Variants in SPATS1 observed in about 807,000 individuals in gnomAD.
The protein encoded by SPATS1 is spermatogenesis-associated serine-rich protein 1.
Under a neutral mutation model 33.6 loss-of-function variants are expected in SPATS1, and 23 were observed. The ratio of observed to expected loss-of-function variants is 0.68; its 90% CI spans 0.49 to 0.97. SPATS1 has a LOEUF of 0.97. Ranked by LOEUF, SPATS1 falls within the 50% of genes least tolerant of loss-of-function variation. SPATS1 has a pLI of 0.00. For missense variants in SPATS1, 327 were observed against 361.0 expected (o/e 0.91, Z 0.76); for synonymous variants, 131 against 125.6 (o/e 1.04, Z -0.29).
In SPATS1 at chr6:44,362,035, A is replaced by C. The variant is rs774308529; in HGVS notation, c.574+43A>C. 3.1e-6 allele frequency: 5 copies of C among 1,610,792 alleles called. No homozygotes were observed. The Admixed American group carries it at 8.4e-5, about 27-fold the overall frequency. On this transcript the variant is annotated intron_variant, in intron 5 of 8. Transcript: ENST00000674044. The stretch of plus-strand genomic sequence containing the variant: ...GTCTTGACTGTGCAGTCCCCGAAAA[A>C]CTCTCGAGTCGTGATTCTATAGGCC...
Position 44,361,849 on chromosome 6 carries a change from A to G in SPATS1, c.431A>G (p.Glu144Gly), listed in dbSNP as rs1387675177. Reference protein sequence around the residue: ...KLQTKDGHRPEWTFYPRFSSN... With the variant: ...KLQTKDGHRPGWTFYPRFSSN... ...ATTGCAGAAGATGGGCATCGTCCTG[A>G]GTGGACATTTTACCCAAGGTTTAGC... The change falls in exon 5 of 9, where the codon GAG becomes GGG. Residue 144 changes from glutamate (E) to glycine (G), a missense_variant. Physicochemically the swap from Glu to Gly is moderately conservative, Grantham distance 98. Coordinates refer to ENST00000674044, the MANE Select transcript of SPATS1 (RefSeq NM_001372081.1). 1.9e-6 allele frequency: 3 copies of G among 1,614,246 alleles called. No individual in the cohort carries two copies. Among genetic ancestry groups the G allele is most frequent in the Non-Finnish European group, 1.7e-6 (2 of 1,180,052 alleles).
chr6:44,371,263 A>G (rs1293414674), intron 7 of SPATS1, among the ~76,000 whole-genome samples: 2 of 151,560 alleles, frequency 1.3e-5, no homozygotes, highest in East Asian at 3.9e-4. Context: ...TGTGCTATGC[A>G]CTCCAGCCTA....
chr6:44,379,236 C>A lies in SPATS1; in HGVS notation c.*2173C>A, dbSNP rs1356093663. ...GAGATTATCTAGGTGGCACAGGAAA[C>A]TGCTCTCAGAAGGTTCCCTGGTGTT... On this transcript the variant is annotated 3_prime_UTR_variant, in exon 9 of 9. Transcript: ENST00000674044. Among the ~76,000 whole-genome samples the A allele has an allele frequency of 1.3e-5, 2 of 152,082 alleles. No individual in the cohort carries two copies. The highest frequency in any genetic ancestry group is 2.9e-5 in the Non-Finnish European group (2 of 68,036).
In SPATS1 at chr6:44,361,988, A is replaced by G. The variant is rs1253861779; in HGVS notation, c.570A>G (p.Lys190=). Residue 190 remains lysine (K), a synonymous_variant, in exon 5 of 9, where the codon AAA becomes AAG. Coordinates refer to ENST00000674044, the MANE Select transcript of SPATS1 (RefSeq NM_001372081.1). ...RTVDKCFGRK[K]YDIDPRNGIP... ...TGGACAAGTGCTTTGGGAGAAAGAA[A>G]TACGGTGATGTTTCCTTCTGGGTCT... is the stretch of plus-strand genomic sequence containing the variant. The G allele has an allele frequency of 3.1e-6, 5 of 1,614,086 alleles. No individual in the cohort carries two copies. Among genetic ancestry groups the G allele is most frequent in the African/African-American group, 2.7e-5 (2 of 74,934 alleles).
intron 5 of SPATS1, among the ~76,000 whole-genome samples, chr6:44,364,074 T>G (rs1402829825): frequency 6.6e-6 from 1 of 152,178 alleles, no homozygotes; most frequent in Non-Finnish European, 1.5e-5. Flanking sequence ...GATCAACACC[T>G]GGCTAACTTG....
intron 2 of SPATS1, among the ~76,000 whole-genome samples, chr6:44,348,024 T>G (rs186122813): frequency 1.3e-4 from 19 of 151,976 alleles, no homozygotes; most frequent in Admixed American, 7.2e-4. Context: ...GTTTTTTTTT[T>G]GGGATGGAGT....
intron 3 of SPATS1, among the ~76,000 whole-genome samples, chr6:44,356,097 G>A (rs1332855670): frequency 6.6e-6 from 1 of 152,072 alleles, no homozygotes; most frequent in Admixed American, 6.5e-5. Flanking sequence ...AGTCCCACAG[G>A]CCCCCAAACT....
intron 3 of SPATS1, among the ~76,000 whole-genome samples, 157 bp downstream of exon 3, chr6:44,353,030 G>T (rs901945253): frequency 6.6e-6 from 1 of 152,172 alleles, no homozygotes; most frequent in Non-Finnish European, 1.5e-5. Flanking sequence ...GTATCTGTGT[G>T]AATCTGAGCA....
chr6:44,363,353 C>T (rs1393533082), intron 5 of SPATS1, among the ~76,000 whole-genome samples: 1 of 152,154 alleles, frequency 6.6e-6, no homozygotes, highest in Non-Finnish European at 1.5e-5. Context: ...CCATGTTGCC[C>T]AGGCCAGTCT....
At chr6:44,346,287 A>AAAC (rs1787878308) in intron 2 of SPATS1, among the ~76,000 whole-genome samples, 1 of 151,496 alleles carries the variant, frequency 6.6e-6, no homozygotes, top group Non-Finnish European at 1.5e-5. Flanking sequence ...TCTCAAAAAA[A>AAAC]AAAACAAACC....
intron 5 of SPATS1, among the ~76,000 whole-genome samples, chr6:44,364,859 G>A (rs1309503771): frequency 2.0e-5 from 3 of 148,684 alleles, no homozygotes; most frequent in Admixed American, 6.8e-5. Flanking sequence ...GTGCAGTAGC[G>A]TGACCTTGGC....
chr6:44,377,260 T>C lies in SPATS1; in HGVS notation c.*197T>C. 1 of 613,736 alleles carries C rather than the reference T, an allele frequency of 1.6e-6. No homozygotes were observed. The highest frequency in any genetic ancestry group is 2.8e-5 in the East Asian group (1 of 36,074). The allele number at this position is 613,736 out of a possible 1,614,324, so 38.0% of individuals were successfully genotyped here. A position where few individuals can be genotyped will look rare whatever the true frequency, so the allele number is the denominator to read the frequency against. On this transcript the variant is annotated 3_prime_UTR_variant, in exon 9 of 9. Transcript: ENST00000674044. The stretch of plus-strand genomic sequence containing the variant: ...TTGCAAGAATTGTACAACAAACACC[T>C]GCATATCCTTCACATAGATTCTATC...
intron 3 of SPATS1, among the ~76,000 whole-genome samples, chr6:44,359,121 T>C (rs531880120): frequency 6.6e-6 from 1 of 152,124 alleles, no homozygotes; most frequent in Admixed American, 6.5e-5. Context: ...CCACCACACC[T>C]GGCTAATTAA....
At chr6:44,373,075 T>G (rs983324577) in intron 7 of SPATS1, among the ~76,000 whole-genome samples, 10 of 152,226 alleles carry the variant, frequency 6.6e-5, no homozygotes, top group African/African-American at 2.4e-4. Flanking sequence ...TGTCTTAATA[T>G]TCAGCAAAGA....
chr6:44,357,637 C>T (rs1196086239), intron 3 of SPATS1, among the ~76,000 whole-genome samples: 2 of 152,212 alleles, frequency 1.3e-5, no homozygotes, highest in East Asian at 3.9e-4. Flanking sequence ...CCCCCTCAGC[C>T]TCCCAAAGTG....
chr6:44,345,211 T>C (rs1787801527), intron 2 of SPATS1, among the ~76,000 whole-genome samples: 1 of 152,142 alleles, frequency 6.6e-6, no homozygotes, highest in Non-Finnish European at 1.5e-5. Context: ...TTTAAGTGTC[T>C]CCAGCTCAAG....
Position 44,360,590 on chromosome 6 carries a change from C to T in SPATS1, c.412+20C>T. ...AGACGAGTAAGTCACAGACCCTCCTCCACATGCTTCTGTGCCCCAGGTCTT... is the reference window on the plus strand; with the variant it reads ...AGACGAGTAAGTCACAGACCCTCCTTCACATGCTTCTGTGCCCCAGGTCTT... On this transcript the variant is annotated intron_variant, in intron 4 of 8. Transcript: ENST00000674044. 6.2e-7 allele frequency: 1 copy of T among 1,613,630 alleles called. No individual in the cohort carries two copies. The highest frequency in any genetic ancestry group is 8.5e-7 in the Non-Finnish European group (1 of 1,179,754).
chr6:44,367,003 T>C (rs1789289044), intron 5 of SPATS1, among the ~76,000 whole-genome samples: 1 of 152,182 alleles, frequency 6.6e-6, no homozygotes, highest in South Asian at 2.1e-4. Context: ...GTCCAAACTC[T>C]TCCCACCACC....
intron 7 of SPATS1, among the ~76,000 whole-genome samples, chr6:44,375,557 C>T (rs764120684): frequency 1.3e-5 from 2 of 152,228 alleles, no homozygotes; most frequent in Non-Finnish European, 2.9e-5. Flanking sequence ...TGCCTGTAAT[C>T]TCAGCACTTT....
Sources: allele counts gnomAD v4.1 joint callset (sites outside exome capture counted in the v4.1 genomes callset), GRCh38; gene constraint gnomAD v4.1.1; transcripts MANE v1.5; gene names NCBI Gene and HGNC (gene_info 2026-07-23, HGNC 2026-07-21).